Variants in MED15 observed in about 807,000 individuals in gnomAD.
The protein encoded by MED15 is mediator of RNA polymerase II transcription subunit 15.
In MED15, 41 loss-of-function variants were observed where a neutral mutation model predicts 118.7. The ratio of observed to expected loss-of-function variants is 0.35; its 90% CI spans 0.27 to 0.45. The LOEUF is 0.45. MED15 is among the 20% of genes least tolerant of loss of function. The pLI, the probability that MED15 is intolerant of heterozygous loss-of-function variation, is 1.00. For synonymous variants in MED15, 436 were observed against 413.9 expected (o/e 1.05, Z -0.65); for missense variants, 740 against 1,025.5 (o/e 0.72, Z 3.80).
intron 7 of MED15, 58 bp downstream of exon 7, chr22:20,566,875 T>C: frequency 6.3e-7 from 1 of 1,585,928 alleles, no homozygotes; most frequent in Non-Finnish European, 8.6e-7. Context: ...TCAGCAGTAG[T>C]TTCTAGGCTC....
chr22:20,521,843 G>T (rs758603196), intron 1 of MED15, among the ~76,000 whole-genome samples: 2 of 150,088 alleles, frequency 1.3e-5, no homozygotes, highest in Non-Finnish European at 3.0e-5. Context: ...CTCCCACCTC[G>T]GCCTCCAGAG....
At chr22:20,575,949 T>C (rs2056812605) in intron 9 of MED15, among the ~76,000 whole-genome samples, 1 of 152,156 alleles carries the variant, frequency 6.6e-6, no homozygotes, top group African/African-American at 2.4e-5. Context: ...CATGCTGTTG[T>C]AGAGTTTGAT....
At chr22:20,555,985 A>C (rs1322021738) in intron 5 of MED15, among the ~76,000 whole-genome samples, 1 of 152,220 alleles carries the variant, frequency 6.6e-6, no homozygotes, top group African/African-American at 2.4e-5. Flanking sequence ...GGCCTCCCAA[A>C]GTGTTGGGAT....
In MED15 at chr22:20,564,609, T is replaced by TGCAGCAGCAGCAGCAGCTCCAGCA; in HGVS notation, c.629_652dup (p.Leu210_Gln217dup). On this transcript the variant is annotated inframe_insertion, in exon 6 of 18. Transcript: ENST00000263205. ...ATGCAGCAGCAGTTCCAAGCAGTAGTGCAGCAGCAGCAGCAGCTCCAGCAG... is the reference window on the plus strand; with the variant it reads ...ATGCAGCAGCAGTTCCAAGCAGTAGTGCAGCAGCAGCAGCAGCTCCAGCAGCAGCAGCAGCAGCAGCTCCAGCAG... 2 of 1,608,026 alleles carry TGCAGCAGCAGCAGCAGCTCCAGCA rather than the reference T, an allele frequency of 1.2e-6. No homozygotes were observed. The highest frequency in any genetic ancestry group is 1.7e-6 in the Non-Finnish European group (2 of 1,176,040).
chr22:20,561,564 T>G (rs1258192806), intron 5 of MED15, among the ~76,000 whole-genome samples: 1 of 151,804 alleles, frequency 6.6e-6, no homozygotes, highest in Non-Finnish European at 1.5e-5. Context: ...GAAAATAAGT[T>G]TAAAAATATA....
rs190687435 is a variant in MED15, at chr22:20,518,100, G to A, written c.68+10354G>A. Among the ~76,000 whole-genome samples the A allele has an allele frequency of 1.2e-4, 19 of 152,370 alleles. 1 individual carries two copies. Among genetic ancestry groups the A allele is most frequent in the Non-Finnish European group, 2.9e-5 (2 of 68,040 alleles). On this transcript the variant is annotated intron_variant, in intron 1 of 17. Transcript: ENST00000263205. Reference sequence around the variant, plus strand: ...TTGACGTGAGGGACTGCCATAATGCGTCAACATCGACAAGCGCTTGTTACC... The same window carrying A: ...TTGACGTGAGGGACTGCCATAATGCATCAACATCGACAAGCGCTTGTTACC...
intron 1 of MED15, chr22:20,508,157 G>C (rs2053936429): frequency 8.2e-7 from 1 of 1,218,260 alleles, no homozygotes; most frequent in African/African-American, 1.6e-5. Context: ...GTGAAAGAAA[G>C]TGATGGGAGG....
chr22:20,514,164 CT>C (rs1490900120), intron 1 of MED15, among the ~76,000 whole-genome samples: 1 of 152,192 alleles, frequency 6.6e-6, no homozygotes, highest in Non-Finnish European at 1.5e-5. Flanking sequence ...CCGTGCTTGC[CT>C]TTGTTGACTC....
At chr22:20,576,093 G>A (rs665675) in intron 9 of MED15, among the ~76,000 whole-genome samples, 2 of 152,238 alleles carry the variant, frequency 1.3e-5, no homozygotes, top group African/African-American at 2.4e-5. Flanking sequence ...CCATGGCATA[G>A]TCATTTTTTT....
At chr22:20,530,003 C>T (rs186898130) in intron 1 of MED15, among the ~76,000 whole-genome samples, 13 of 152,348 alleles carry the variant, frequency 8.5e-5, no homozygotes, top group Admixed American at 5.9e-4. Flanking sequence ...GGATTACAGG[C>T]GTGAACCACC....
chr22:20,525,831 C>T (rs756493228), intron 1 of MED15, among the ~76,000 whole-genome samples: 4 of 152,088 alleles, frequency 2.6e-5, no homozygotes, highest in East Asian at 1.9e-4. Context: ...CCCCTGCACC[C>T]GGCCACGTGA....
intron 5 of MED15, among the ~76,000 whole-genome samples, chr22:20,557,986 G>A (rs1414571539): frequency 3.9e-5 from 6 of 152,190 alleles, no homozygotes; most frequent in Non-Finnish European, 7.3e-5. Flanking sequence ...GGTGCCTGTA[G>A]TCCCAGCTAC....
At chr22:20,558,609 A>G (rs2056109148) in intron 5 of MED15, among the ~76,000 whole-genome samples, 1 of 152,154 alleles carries the variant, frequency 6.6e-6, no homozygotes, top group African/African-American at 2.4e-5. Flanking sequence ...CTCCTGGATA[A>G]CTAGGTTCTG....
chr22:20,583,761 G>A (rs1470276637), intron 13 of MED15: 5 of 285,924 alleles, frequency 1.7e-5, no homozygotes, highest in African/African-American at 2.1e-5. Flanking sequence ...ATGGGCAGGC[G>A]ACTGCATCTC....
chr22:20,519,041 T>C (rs1170997210), intron 1 of MED15: 2 of 348,118 alleles, frequency 5.7e-6, no homozygotes, highest in Non-Finnish European at 1.1e-5. Flanking sequence ...TTTTGTAGAG[T>C]AAGGGTTTTG....
chr22:20,581,078 G>A (rs2056965973), intron 9 of MED15, among the ~76,000 whole-genome samples: 1 of 152,152 alleles, frequency 6.6e-6, no homozygotes, highest in Admixed American at 6.5e-5. Context: ...TGACCCAGCT[G>A]TGCTGGAAGT....
In MED15 at chr22:20,536,990, C is replaced by T. The variant is rs2055104607; in HGVS notation, c.69-127C>T. On this transcript the variant is annotated intron_variant, in intron 1 of 17. Coordinates refer to ENST00000263205, the MANE Select transcript of MED15 (RefSeq NM_001003891.3). ...CCATATGCCTCTCCTGGACCTCAGC[C>T]AGGCTGGTGTGCTGGCGATAGCACC... The T allele has an allele frequency of 4.0e-6, 3 of 749,606 alleles. No homozygotes were observed. The South Asian group carries it at 5.4e-5, about 13-fold the overall frequency. 46.4% of individuals were successfully genotyped at this position (749,606 alleles called of 1,614,324 possible). A position where few individuals can be genotyped will look rare whatever the true frequency, so the allele number is the denominator to read the frequency against.
intron 5 of MED15, among the ~76,000 whole-genome samples, chr22:20,559,131 G>A (rs1257768306): frequency 6.6e-6 from 1 of 152,042 alleles, no homozygotes; most frequent in African/African-American, 2.4e-5. Context: ...ACTCCAGCCT[G>A]GGGGATAGAA....
intron 12 of MED15, 35 bp downstream of exon 12, chr22:20,583,282 G>A (rs201794410): frequency 6.2e-7 from 1 of 1,613,154 alleles, no homozygotes; most frequent in Admixed American, 1.7e-5. Context: ...CTGCACCCTG[G>A]GGACACCACC....
Sources: gnomAD v4.1 joint callset for allele counts (sites outside exome capture counted in the v4.1 genomes callset) on GRCh38, gnomAD v4.1.1 for gene constraint, MANE v1.5 for transcripts, NCBI Gene and HGNC (gene_info 2026-07-23, HGNC 2026-07-21) for gene names.